Variants in ZFR observed in about 807,000 individuals in gnomAD.
ZFR encodes the protein zinc finger RNA binding protein.
Under a neutral mutation model 130.7 loss-of-function variants are expected in ZFR, and 19 were observed. That is an observed-to-expected ratio of 0.15 (90% confidence interval 0.10 to 0.21). The LOEUF is 0.21. ZFR is among the 10% of genes least tolerant of loss of function. The pLI is 1.00. For synonymous variants in ZFR, 466 were observed against 456.9 expected (o/e 1.02, Z -0.25); for missense variants, 872 against 1,321.5 (o/e 0.66, Z 5.27).
chr5:32,390,944 C>T (rs1753155206), intron 11 of ZFR, among the ~76,000 whole-genome samples: 1 of 152,176 alleles, frequency 6.6e-6, no homozygotes, highest in Non-Finnish European at 1.5e-5. Context: ...AGAACTTGTC[C>T]TGGCTAGAGA....
chr5:32,357,707 T>G (rs562091994), intron 19 of ZFR, among the ~76,000 whole-genome samples: 11 of 152,370 alleles, frequency 7.2e-5, no homozygotes, highest in African/African-American at 2.6e-4. Flanking sequence ...AGATCTTGCC[T>G]ATGTAAAAAT....
In ZFR at chr5:32,419,895, T is replaced by C. The variant is rs536430711; in HGVS notation, c.346A>G (p.Thr116Ala). Residue 116 changes from threonine (T) to alanine (A), a missense_variant, in exon 3 of 20, where the codon ACT becomes GCT. This residue lies in a region of ZFR where 240 missense variants were observed against 441.2 expected (regional missense o/e 0.54). Transcript: ENST00000265069. ...TGCCTCTGAGTATAACCATAGTCAGTTGCTGTGTGTGCAGTGGGGTAGCCT... is the reference window on the plus strand; with the variant it reads ...TGCCTCTGAGTATAACCATAGTCAGCTGCTGTGTGTGCAGTGGGGTAGCCT... ...YGGYPTAHTA[T>A]DYGYTQRQQE... 16 of 1,613,998 alleles carry C rather than the reference T, an allele frequency of 9.9e-6. No individual in the cohort carries two copies. The South Asian group carries it at 1.5e-4, about 16-fold the overall frequency.
chr5:32,362,565 T>C (rs1752460132), intron 19 of ZFR, among the ~76,000 whole-genome samples: 1 of 152,224 alleles, frequency 6.6e-6, no homozygotes, highest in Non-Finnish European at 1.5e-5. Flanking sequence ...TGCCGCCTTA[T>C]GTCATGTAAC....
chr5:32,403,150 T>G lies in ZFR; in HGVS notation c.1472A>C (p.Asn491Thr). The G allele has an allele frequency of 1.2e-6, 2 of 1,614,174 alleles. No individual in the cohort carries two copies. Among genetic ancestry groups the G allele is most frequent in the Non-Finnish European group, 1.7e-6 (2 of 1,180,022 alleles). ...GGTAGATGTTTTCTTGGCAGCCATA[T>G]TTGTAGGCACTGCTGATACTTTAGT... is the stretch of plus-strand genomic sequence containing the variant. ...SNTKVSAVPTNMAAKKTSTPK... is the reference protein window; with the variant it reads ...SNTKVSAVPTTMAAKKTSTPK... The change falls in exon 8 of 20, where the codon AAT (asparagine) becomes ACT (threonine). Residue 491 changes from asparagine (N) to threonine (T), a missense_variant. Physicochemically the swap from Asn to Thr is moderately conservative, Grantham distance 65. Coordinates refer to ENST00000265069, the MANE Select transcript of ZFR (RefSeq NM_016107.5).
At chr5:32,431,768 GA>G (rs35866437) in intron 2 of ZFR, among the ~76,000 whole-genome samples, 51,740 of 123,622 alleles carry the variant, frequency 0.42, 9,255 homozygotes, top group Middle Eastern at 0.58. Flanking sequence ...ATATAACATT[GA>G]AAAAAAAAAA....
chr5:32,433,183 C>T (rs554951509), intron 2 of ZFR, among the ~76,000 whole-genome samples: 2 of 152,262 alleles, frequency 1.3e-5, no homozygotes, highest in East Asian at 3.9e-4. Flanking sequence ...CCAGGAAAGA[C>T]AGCTATCACC....
chr5:32,376,973 A>AAC (rs1752827919), intron 17 of ZFR, among the ~76,000 whole-genome samples: 2 of 143,702 alleles, frequency 1.4e-5, no homozygotes, highest in Non-Finnish European at 3.1e-5. Context: ...GCTGTCTGAA[A>AAC]AAAAACCCCT....
chr5:32,406,936 T>C lies in ZFR; in HGVS notation c.870A>G (p.Ala290=). 2 of 1,600,186 alleles carry C rather than the reference T, an allele frequency of 1.2e-6. No homozygotes were observed. The highest frequency in any genetic ancestry group is 1.7e-6 in the Non-Finnish European group (2 of 1,176,596). The change falls in exon 6 of 20, where the codon GCA becomes GCG. Residue 290 remains alanine (A), a synonymous_variant. Transcript: ENST00000265069. ...CAGCAGCAGCAGCAGCTGCTGCTGC[T>C]GCCTGCTTCTGTTGCTGCTGCTGCT... ...YQQQQQQQKQ[A]AAAAAAAAAT... is the part of the protein sequence containing the mutation.
At chr5:32,360,602 T>G (rs1752411235) in intron 19 of ZFR, among the ~76,000 whole-genome samples, 1 of 152,244 alleles carries the variant, frequency 6.6e-6, no homozygotes, top group African/African-American at 2.4e-5. Flanking sequence ...TGCTACTTTT[T>G]GACTATCACA....
chr5:32,444,456 C>T (rs1754557838), intron 1 of ZFR, 128 bp from the exon 2 acceptor site: 2 of 1,279,344 alleles, frequency 1.6e-6, no homozygotes, highest in African/African-American at 1.6e-5. Context: ...GCCCAGGCCG[C>T]GGCCGCGCCG....
chr5:32,444,328 A>T lies in ZFR; in HGVS notation c.38T>A (p.Val13Glu). 1 of 1,536,942 alleles carries T rather than the reference A, an allele frequency of 6.5e-7. No homozygotes were observed. The highest frequency in any genetic ancestry group is 8.8e-7 in the Non-Finnish European group (1 of 1,140,518). ...PICPVVSFTYVPSRLGEDAKM... is the reference protein window; with the variant it reads ...PICPVVSFTYEPSRLGEDAKM... The stretch of plus-strand genomic sequence containing the variant: ...GGCATCTTCCCCCAGCCGGCTGGGC[A>T]CTGCGGCGGGCACGAAGAGTCGGGT... The change falls in exon 2 of 20, where the codon GTG becomes GAG. Residue 13 changes from valine (V) to glutamate (E), a missense_variant and splice_region_variant. Val to Glu is a moderately radical substitution (Grantham distance 121). Transcript: ENST00000265069.
chr5:32,412,596 A>G (rs1359004791), intron 5 of ZFR, among the ~76,000 whole-genome samples: 3 of 152,242 alleles, frequency 2.0e-5, no homozygotes, highest in Non-Finnish European at 4.4e-5. Context: ...TTTATGTATT[A>G]GATAGTATAG....
intron 2 of ZFR, among the ~76,000 whole-genome samples, chr5:32,420,666 G>A (rs1753934444): frequency 6.6e-6 from 1 of 152,210 alleles, no homozygotes; most frequent in Non-Finnish European, 1.5e-5. Context: ...GGCCATATCT[G>A]CATATATTTT....
chr5:32,442,865 A>T (rs150185813), intron 2 of ZFR, among the ~76,000 whole-genome samples: 3 of 152,192 alleles, frequency 2.0e-5, no homozygotes, highest in Non-Finnish European at 4.4e-5. Flanking sequence ...TTTACAGATG[A>T]TGAACATGAA....
intron 15 of ZFR, among the ~76,000 whole-genome samples, 184 bp downstream of exon 15, chr5:32,385,324 C>T (rs1753021543): frequency 6.6e-6 from 1 of 151,936 alleles, no homozygotes; most frequent in South Asian, 2.1e-4. Flanking sequence ...AAAAATACAT[C>T]ACTAAAAAGA....
intron 5 of ZFR, among the ~76,000 whole-genome samples, chr5:32,411,706 T>A (rs76985793): frequency 0.012 from 201 of 16,670 alleles, 12 homozygotes; most frequent in East Asian, 0.048. Flanking sequence ...AAAAAAAAAA[T>A]TGAGGGGGGG....
intron 6 of ZFR, among the ~76,000 whole-genome samples, chr5:32,404,433 T>C (rs1178563955): frequency 2.6e-5 from 4 of 152,280 alleles, no homozygotes; most frequent in Non-Finnish European, 5.9e-5. Flanking sequence ...CATAAAGAAA[T>C]TATATTTAGT....
intron 19 of ZFR, among the ~76,000 whole-genome samples, chr5:32,361,172 T>C (rs1388657420): frequency 2.0e-5 from 3 of 152,206 alleles, no homozygotes; most frequent in East Asian, 1.9e-4. Flanking sequence ...TGCTCTGATT[T>C]TGAGATAAAG....
At chr5:32,381,781 A>G (rs1752941710) in intron 15 of ZFR, among the ~76,000 whole-genome samples, 1 of 152,188 alleles carries the variant, frequency 6.6e-6, no homozygotes, top group South Asian at 2.1e-4. Flanking sequence ...AGACACATTT[A>G]GAGGAAAGAC....
Sources: gnomAD v4.1 joint callset for allele counts (sites outside exome capture counted in the v4.1 genomes callset) on GRCh38, gnomAD v4.1.1 for gene constraint, gnomAD v4.1.1 regional missense constraint, MANE v1.5 for transcripts, NCBI Gene and HGNC (gene_info 2026-07-23, HGNC 2026-07-21) for gene names.